The following FBLN1 variants were observed in gnomAD, a reference collection of about 807,000 sequenced individuals.
The protein encoded by FBLN1 is fibulin-1.
Under a neutral mutation model 89.7 loss-of-function variants are expected in FBLN1, and 34 were observed. The ratio of observed to expected loss-of-function variants is 0.38; its 90% CI spans 0.29 to 0.50. The LOEUF (loss-of-function observed/expected upper bound fraction) is 0.50, where lower values mean the gene tolerates loss of function less well. Among genes scored for constraint, FBLN1 ranks in the 20% least tolerant of loss-of-function variants. FBLN1 has a pLI of 0.92. For missense variants in FBLN1, 777 were observed against 988.1 expected, an observed-to-expected ratio of 0.79 and a Z score of 2.86; for synonymous variants, 393 against 391.3, an observed-to-expected ratio of 1.00 and a Z score of -0.05.
In FBLN1 at chr22:45,600,630, A is replaced by C. The variant is rs1920925673; in HGVS notation, c.*184A>C. The stretch of plus-strand genomic sequence containing the variant: ...TCTGATGTATTTTCGGTGTTTAAAA[A>C]ATGAGCCCAGTTGCTCAACTGTTTG... On this transcript the variant is annotated 3_prime_UTR_variant, in exon 17 of 17. Transcript: ENST00000327858. 1 of 727,996 alleles carries C rather than the reference A, an allele frequency of 1.4e-6. No individual in the cohort carries two copies. The highest frequency in any genetic ancestry group is 1.7e-5 in the African/African-American group (1 of 57,290). 45.1% of individuals were successfully genotyped at this position (727,996 alleles called of 1,614,324 possible).
intron 1 of FBLN1, among the ~76,000 whole-genome samples, chr22:45,511,805 G>A (rs1296947524): frequency 6.6e-6 from 1 of 152,174 alleles, no homozygotes; most frequent in African/African-American, 2.4e-5. Flanking sequence ...TAGTAAGGGA[G>A]GGAGCTGGAT....
At chr22:45,508,371 C>T (rs2088053048) in intron 1 of FBLN1, among the ~76,000 whole-genome samples, 1 of 148,860 alleles carries the variant, frequency 6.7e-6, no homozygotes, top group African/African-American at 2.5e-5. Flanking sequence ...AAGCAATCCT[C>T]CTGCCTCAGC....
rs78475312 is a variant in FBLN1 at position 45,581,404 on chromosome 22, C to T, written c.1972+4296C>T. Among the ~76,000 whole-genome samples, 885 of 152,146 alleles carry T rather than the reference C, an allele frequency of 5.8e-3. 6 individuals are homozygous for T. Among genetic ancestry groups the T allele is most frequent in the African/African-American group, 0.02 (839 of 41,530 alleles). On this transcript the variant is annotated intron_variant, in intron 16 of 16. Transcript: ENST00000327858. The surrounding 1 kb of genome is among the most constrained non-coding windows in gnomAD (Gnocchi z 7.6). The stretch of plus-strand genomic sequence containing the variant: ...TTCCAAGAAGCCTCCCCTGACTGCT[C>T]CAGGGTCATGGCTGTGTGATAGGAG...
intron 1 of FBLN1, among the ~76,000 whole-genome samples, chr22:45,516,881 T>G (rs2088176665): frequency 6.6e-6 from 1 of 152,192 alleles, no homozygotes; most frequent in African/African-American, 2.4e-5. Flanking sequence ...TGGTTCTAGG[T>G]GAGACCCCCC....
At chr22:45,516,726 C>T (rs1033796144) in intron 1 of FBLN1, among the ~76,000 whole-genome samples, 4 of 152,354 alleles carry the variant, frequency 2.6e-5, no homozygotes, top group Middle Eastern at 3.4e-3. Flanking sequence ...CCCTTACCCA[C>T]GCCACTGCAG....
At chr22:45,559,008 C>T (rs774057963) in intron 14 of FBLN1, among the ~76,000 whole-genome samples, 7 of 152,138 alleles carry the variant, frequency 4.6e-5, no homozygotes, top group East Asian at 1.9e-4. Context: ...AAGGTCTCTC[C>T]GAATAAGATT....
At position 45,574,648 on chromosome 22, in the gene FBLN1, C is replaced by T; in HGVS notation, c.1835C>T (p.Pro612Leu). ...SLPTFREFTRPEEIIFLRAIT... is the reference protein window; with the variant it reads ...SLPTFREFTRLEEIIFLRAIT... ...CCTACCTTCCGCGAGTTCACCCGCC[C>T]TGAAGGTGAGTGGGATGGGTGTGGG... The change falls in exon 15 of 17, where the codon CCT (proline) becomes CTT (leucine). Residue 612 changes from proline (P) to leucine (L), a missense_variant. Pro to Leu is a moderately conservative substitution (Grantham distance 98). Transcript: ENST00000327858. This position sits in a 1 kb window ranked among gnomAD's most constrained non-coding sequence, Gnocchi z 4.1. The T allele has an allele frequency of 6.2e-7, 1 of 1,613,640 alleles. No homozygotes were observed. The highest frequency in any genetic ancestry group is 8.5e-7 in the Non-Finnish European group (1 of 1,179,952).
At position 45,548,671 on chromosome 22, in the gene FBLN1, C is replaced by T; in HGVS notation, c.1500C>T (p.Asn500=). Residue 500 remains asparagine (N), a synonymous_variant, in exon 13 of 17, where the codon AAC becomes AAT. Transcript: ENST00000327858. The stretch of plus-strand genomic sequence containing the variant: ...ACATCTGCTCCTACCGCTGCATCAA[C>T]ATCCCTGGAAGCTTCCAGTGCAGCT... ...GGHICSYRCI[N]IPGSFQCSCP... The T allele has an allele frequency of 1.9e-6, 3 of 1,613,882 alleles. No homozygotes were observed. The highest frequency in any genetic ancestry group is 2.5e-6 in the Non-Finnish European group (3 of 1,180,020).
At chr22:45,529,726 C>A (rs538888477) in intron 4 of FBLN1, among the ~76,000 whole-genome samples, 2 of 152,092 alleles carry the variant, frequency 1.3e-5, no homozygotes, top group African/African-American at 4.8e-5. Flanking sequence ...ATTAGCTGGG[C>A]GTGGTGGCGG....
chr22:45,558,143 G>A (rs1026970955), intron 14 of FBLN1: 1 of 714,850 alleles, frequency 1.4e-6, no homozygotes, highest in Non-Finnish European at 2.6e-6. Flanking sequence ...CAGGAGTGGA[G>A]ACCACGGGCA....
rs2089007844 is a variant in FBLN1 at position 45,577,495 on chromosome 22, T to C, written c.1972+387T>C. 6.6e-6 allele frequency among the ~76,000 whole-genome samples: 1 copy of C among 152,072 alleles called. No homozygotes were observed. Among genetic ancestry groups the C allele is most frequent in the African/African-American group, 2.4e-5 (1 of 41,388 alleles). On this transcript the variant is annotated intron_variant, in intron 16 of 16. Coordinates refer to ENST00000327858, the MANE Select transcript of FBLN1 (RefSeq NM_006486.3). This position sits in a 1 kb window ranked among gnomAD's most constrained non-coding sequence, Gnocchi z 6.6. Reference sequence around the variant, plus strand: ...CCGCGGTCGGTGGGAGCTAAGGGGATTGTTATTCTTGGGGTGCAATGGGAG... The same window carrying C: ...CCGCGGTCGGTGGGAGCTAAGGGGACTGTTATTCTTGGGGTGCAATGGGAG...
intron 16 of FBLN1, among the ~76,000 whole-genome samples, chr22:45,591,127 C>A (rs2089132659): frequency 6.6e-6 from 1 of 152,150 alleles, no homozygotes; most frequent in Non-Finnish European, 1.5e-5. Flanking sequence ...TTGGCAAGGC[C>A]ACAGAGCTTG....
At position 45,546,991 on chromosome 22, in the gene FBLN1, T is replaced by C. The variant is rs894973422; in HGVS notation, c.1322-94T>C. The C allele has an allele frequency of 2.0e-4, 311 of 1,579,212 alleles. 1 individual carries two copies. The highest frequency in any genetic ancestry group is 1.2e-3 in the Middle Eastern group (7 of 5,952). ...TCCGAGTGTGTTAACCTGAGGGAGG[T>C]GGAGAGGAGATTTTCTGTTCACTGA... On this transcript the variant is annotated intron_variant, in intron 11 of 16. Transcript: ENST00000327858.
chr22:45,552,455 C>G (rs1011939467), intron 14 of FBLN1, among the ~76,000 whole-genome samples: 33 of 152,236 alleles, frequency 2.2e-4, no homozygotes, highest in African/African-American at 7.7e-4. Context: ...CCTCTCAGCA[C>G]TGCTAACCCC....
intron 1 of FBLN1, chr22:45,517,292 C>T: frequency 3.2e-6 from 1 of 311,728 alleles, no homozygotes; most frequent in Non-Finnish European, 6.3e-6. Context: ...AGGTGACCTT[C>T]TGCCCAGCAG....
intron 16 of FBLN1, among the ~76,000 whole-genome samples, chr22:45,593,138 T>A (rs1415939497): frequency 6.6e-6 from 1 of 151,670 alleles, no homozygotes; most frequent in African/African-American, 2.4e-5. Flanking sequence ...GTCAGAGACA[T>A]GAGACTCAGG....
Position 45,583,019 on chromosome 22 carries a change from C to A in FBLN1, c.1972+5911C>A, listed in dbSNP as rs2089055525. ...ATCACCTGGTGCCTCCCTGTACGTCCACCCACCCTGTGCCCAGATCCCCTT... is the reference window on the plus strand; with the variant it reads ...ATCACCTGGTGCCTCCCTGTACGTCAACCCACCCTGTGCCCAGATCCCCTT... On this transcript the variant is annotated intron_variant, in intron 16 of 16. Coordinates refer to ENST00000327858, the MANE Select transcript of FBLN1 (RefSeq NM_006486.3). This position sits in a 1 kb window ranked among gnomAD's most constrained non-coding sequence, Gnocchi z 4.5. 1.3e-5 allele frequency among the ~76,000 whole-genome samples: 2 copies of A among 152,184 alleles called. No individual in the cohort carries two copies. The highest frequency in any genetic ancestry group is 4.8e-5 in the African/African-American group (2 of 41,440).
chr22:45,574,883 G>T lies in FBLN1; in HGVS notation c.1840+230G>T, dbSNP rs565708768. 1.4e-5 allele frequency among the ~76,000 whole-genome samples: 2 copies of T among 147,546 alleles called. No individual in the cohort carries two copies. The highest frequency in any genetic ancestry group is 5.0e-5 in the African/African-American group (2 of 39,698). On this transcript the variant is annotated intron_variant, in intron 15 of 16. Transcript: ENST00000327858. The surrounding 1 kb of genome is among the most constrained non-coding windows in gnomAD (Gnocchi z 4.1). ...TGCAAGCTCCACCTCCCGGGTTCAC[G>T]CCATTCTCCTGCCTCAGCCTTCCGA...
At position 45,575,024 on chromosome 22, in the gene FBLN1, C is replaced by T. The variant is rs553053414; in HGVS notation, c.1840+371C>T. On this transcript the variant is annotated intron_variant, in intron 15 of 16. Coordinates refer to ENST00000327858, the MANE Select transcript of FBLN1 (RefSeq NM_006486.3). This position sits in a 1 kb window ranked among gnomAD's most constrained non-coding sequence, Gnocchi z 6.3. ...GTCTCAATCTCCTGACCTCATGATC[C>T]ACCCGCCTCAGCCTCCCAAAGTGCT... 1.3e-5 allele frequency among the ~76,000 whole-genome samples: 2 copies of T among 152,204 alleles called. No homozygotes were observed. Among genetic ancestry groups the T allele is most frequent in the South Asian group, 2.1e-4 (1 of 4,822 alleles).
Sources: gnomAD v4.1 joint callset for allele counts (sites outside exome capture counted in the v4.1 genomes callset) on GRCh38, gnomAD v4.1.1 for gene constraint, Gnocchi (gnomAD v3.1) non-coding constraint, MANE v1.5 for transcripts, NCBI Gene and HGNC (gene_info 2026-07-23, HGNC 2026-07-21) for gene names.